ALK: variants seen among roughly 807,000 people sequenced by gnomAD.
ALK encodes ALK tyrosine kinase receptor.
In ALK, 74 loss-of-function variants were observed where a neutral mutation model predicts 163.1. The observed-to-expected ratio is 0.45, with a 90% CI of 0.38 to 0.55. The LOEUF (loss-of-function observed/expected upper bound fraction) is 0.55, where lower values mean the gene tolerates loss of function less well. ALK is among the 20% of genes least tolerant of loss of function. The probability of loss-of-function intolerance (pLI) is 0.00; values close to 1 mark genes in which losing one functional copy is unlikely to be tolerated. For synonymous variants in ALK, 960 were observed against 843.2 expected, an observed-to-expected ratio of 1.14 and a Z score of -2.40; for missense variants, 2,063 against 2,105.3, an observed-to-expected ratio of 0.98 and a Z score of 0.39.
rs76117219 is a variant in ALK, at chr2:29,681,964, A to G, written c.952+12886T>C. On this transcript the variant is annotated intron_variant, in intron 3 of 28. Coordinates refer to ENST00000389048, the MANE Select transcript of ALK (RefSeq NM_004304.5). ...TTCACCTCTCTTATCAATTTAGGCA[A>G]CTAAGCTTGTTTCTCTAGCAAGCAA... Among the ~76,000 whole-genome samples the G allele has an allele frequency of 1.9e-3, 294 of 152,248 alleles. 2 individuals carry two copies. Among genetic ancestry groups the G allele is most frequent in the Admixed American group, 7.1e-3 (108 of 15,284 alleles).
At chr2:29,609,641 T>C (rs1365630331) in intron 3 of ALK, among the ~76,000 whole-genome samples, 2 of 103,400 alleles carry the variant, frequency 1.9e-5, no homozygotes, top group Admixed American at 1.1e-4. Context: ...AGAACATATT[T>C]ACATTTTTTT....
chr2:29,559,792 T>TGTGTGTGTGC (rs1673971811), intron 3 of ALK, among the ~76,000 whole-genome samples: 1 of 144,354 alleles, frequency 6.9e-6, no homozygotes, highest in African/African-American at 2.5e-5. Context: ...TGTGTGTGTG[T>TGTGTGTGTGC]GTGTGTGTGT....
At chr2:29,324,835 A>G (rs1389780188) in intron 6 of ALK, among the ~76,000 whole-genome samples, 2 of 152,192 alleles carry the variant, frequency 1.3e-5, no homozygotes, top group African/African-American at 4.8e-5. Flanking sequence ...GGGGACCGAG[A>G]GTACTGTGTT....
chr2:29,652,897 G>A (rs892588430), intron 3 of ALK, among the ~76,000 whole-genome samples: 2 of 151,770 alleles, frequency 1.3e-5, no homozygotes, highest in Non-Finnish European at 1.5e-5. Context: ...ATAATAAATC[G>A]GTAGACATAA....
chr2:29,763,086 C>CAAAAAAA (rs1034835014), intron 1 of ALK, among the ~76,000 whole-genome samples: 2 of 53,092 alleles, frequency 3.8e-5, no homozygotes, highest in Non-Finnish European at 8.0e-5. Flanking sequence ...GACTCCATCT[C>CAAAAAAA]AAAAAAAAAA....
intron 1 of ALK, among the ~76,000 whole-genome samples, chr2:29,910,789 A>G (rs1459188930): frequency 2.0e-5 from 3 of 152,246 alleles, no homozygotes; most frequent in Non-Finnish European, 4.4e-5. Context: ...TCAGCAAACA[A>G]AAGCTGAGAT....
chr2:29,380,505 G>A (rs999141876), intron 5 of ALK, among the ~76,000 whole-genome samples: 4 of 151,964 alleles, frequency 2.6e-5, no homozygotes, highest in East Asian at 1.9e-4. Context: ...CGCAACCTCC[G>A]CCTCCCAGGT....
intron 4 of ALK, among the ~76,000 whole-genome samples, chr2:29,488,981 T>C (rs1026727067): frequency 5.9e-5 from 9 of 152,152 alleles, no homozygotes; most frequent in Non-Finnish European, 1.3e-4. Context: ...AACTAAAAGA[T>C]TCTGCCAAAG....
intron 3 of ALK, among the ~76,000 whole-genome samples, chr2:29,549,154 A>ACG (rs1673648851): frequency 6.6e-6 from 1 of 151,634 alleles, no homozygotes; most frequent in African/African-American, 2.4e-5. Flanking sequence ...ACACACACAC[A>ACG]CACACACGCA....
chr2:29,744,051 G>A (rs144817325), intron 1 of ALK, among the ~76,000 whole-genome samples: 53 of 151,944 alleles, frequency 3.5e-4, no homozygotes, highest in African/African-American at 1.2e-3. Flanking sequence ...GCAAAACTTA[G>A]GCCTACAATG....
At chr2:29,691,309 C>A (rs1678389285) in intron 3 of ALK, among the ~76,000 whole-genome samples, 1 of 152,090 alleles carries the variant, frequency 6.6e-6, no homozygotes, top group Non-Finnish European at 1.5e-5. Flanking sequence ...TCCATTAGAC[C>A]CCAGACAAAT....
chr2:29,798,268 A>AGC (rs1664373527), intron 1 of ALK, among the ~76,000 whole-genome samples: 1 of 152,236 alleles, frequency 6.6e-6, no homozygotes, highest in South Asian at 2.1e-4. Context: ...TTATTATTAA[A>AGC]TTGGTATCAT....
intron 9 of ALK, among the ~76,000 whole-genome samples, chr2:29,283,321 C>T (rs1303346063): frequency 6.6e-6 from 1 of 152,206 alleles, no homozygotes; most frequent in African/African-American, 2.4e-5. Context: ...GAGCAAGCTC[C>T]TTGGGATGAC....
chr2:29,840,301 C>T (rs943262228), intron 1 of ALK, among the ~76,000 whole-genome samples: 4 of 152,124 alleles, frequency 2.6e-5, no homozygotes, highest in African/African-American at 9.7e-5. Flanking sequence ...ACATGTCCTA[C>T]AAATGCTTGG....
Position 29,715,949 on chromosome 2 carries a change from T to C in ALK, c.787+1629A>G, listed in dbSNP as rs182020949. Among the ~76,000 whole-genome samples the C allele has an allele frequency of 3.3e-5, 5 of 152,360 alleles. No homozygotes were observed. In the East Asian group the frequency reaches 7.7e-4, roughly 23 times the overall value. On this transcript the variant is annotated intron_variant, in intron 2 of 28. Transcript: ENST00000389048. ...TCCAGCACAGAAGATAATTATAAACTGCCCCAGGGTTTTTGATGGATTTTT... is the reference window on the plus strand; with the variant it reads ...TCCAGCACAGAAGATAATTATAAACCGCCCCAGGGTTTTTGATGGATTTTT...
In ALK at chr2:29,345,326, T is replaced by C. The variant is rs534509498; in HGVS notation, c.1283-16845A>G. On this transcript the variant is annotated intron_variant, in intron 5 of 28. Coordinates refer to ENST00000389048, the MANE Select transcript of ALK (RefSeq NM_004304.5). ...TGGGAGGATCACCTGAGCCTGGGAGTTCTCCTCAGAAGGTCGAGCCTGTAG... is the reference window on the plus strand; with the variant it reads ...TGGGAGGATCACCTGAGCCTGGGAGCTCTCCTCAGAAGGTCGAGCCTGTAG... 1.4e-3 allele frequency among the ~76,000 whole-genome samples: 205 copies of C among 151,642 alleles called. 2 individuals are homozygous for C. The highest frequency in any genetic ancestry group is 2.2e-3 in the Non-Finnish European group (149 of 67,916).
intron 1 of ALK, among the ~76,000 whole-genome samples, chr2:29,893,772 A>C (rs1346616908): frequency 2.6e-5 from 4 of 152,190 alleles, no homozygotes; most frequent in African/African-American, 9.7e-5. Flanking sequence ...GAACTTACTG[A>C]ATTTCAAGAA....
At position 29,296,950 on chromosome 2, in the gene ALK, G is replaced by A. The variant is rs373605278; in HGVS notation, c.1755C>T (p.Ala585=). The change falls in exon 9 of 29, where the codon GCC becomes GCT. Residue 585 remains alanine, a synonymous_variant. Coordinates refer to ENST00000389048, the MANE Select transcript of ALK (RefSeq NM_004304.5). ...GCCACAGGCTCAAGCCTTCATAGGCGGCGACATGCCAGACCATCCTGCCTT... is the reference window on the plus strand; with the variant it reads ...GCCACAGGCTCAAGCCTTCATAGGCAGCGACATGCCAGACCATCCTGCCTT... ...KEQGRMVWHV[A]AYEGLSLWQW... The A allele has an allele frequency of 4.3e-4, 696 of 1,614,198 alleles. 2 individuals carry two copies. Among genetic ancestry groups the A allele is most frequent in the Non-Finnish European group, 5.7e-4 (669 of 1,180,036 alleles).
chr2:29,677,206 C>T (rs1234662032), intron 3 of ALK, among the ~76,000 whole-genome samples: 1 of 148,224 alleles, frequency 6.7e-6, no homozygotes, highest in African/African-American at 2.5e-5. Flanking sequence ...TCCCTCCTTC[C>T]TTCCTCCTTC....
Sources: allele counts gnomAD v4.1 joint callset (sites outside exome capture counted in the v4.1 genomes callset), GRCh38; gene constraint gnomAD v4.1.1; transcripts MANE v1.5; gene names NCBI Gene and HGNC (gene_info 2026-07-23, HGNC 2026-07-21).